CLVS1: variants seen among roughly 807,000 people sequenced by gnomAD.
CLVS1 encodes clavesin-1.
In CLVS1, 10 loss-of-function variants were observed where a neutral mutation model predicts 33.1. The observed-to-expected ratio is 0.30, with a 90% CI of 0.19 to 0.51. CLVS1 has a LOEUF of 0.51. Ranked by LOEUF, CLVS1 falls within the 20% of genes least tolerant of loss-of-function variation. The pLI is 0.97. For missense variants in CLVS1, 343 were observed against 433.4 expected, an observed-to-expected ratio of 0.79 and a Z score of 1.85; for synonymous variants, 163 against 166.1, an observed-to-expected ratio of 0.98 and a Z score of 0.14.
At chr8:61,023,232 C>A in the CLVS1 span, among the ~76,000 whole-genome samples, 2 of 152,170 alleles carry the variant, frequency 1.3e-5, no homozygotes, top group African/African-American at 4.8e-5. Context: ...TGGATGTTTG[C>A]GTACTTTAGA....
chr8:61,276,945 A>C (rs1809571305), intron 2 of CLVS1, among the ~76,000 whole-genome samples: 1 of 152,146 alleles, frequency 6.6e-6, no homozygotes, highest in African/African-American at 2.4e-5. Flanking sequence ...CTCTCTGTCA[A>C]ATTTTTCCTT....
intron 5 of CLVS1, among the ~76,000 whole-genome samples, chr8:61,497,183 T>C (rs993360329): frequency 6.6e-5 from 10 of 152,102 alleles, no homozygotes; most frequent in African/African-American, 2.4e-4. Flanking sequence ...CCTAACTTAC[T>C]AGAAAGACCC....
chr8:61,371,917 A>G (rs1813455005), intron 2 of CLVS1, among the ~76,000 whole-genome samples: 1 of 152,176 alleles, frequency 6.6e-6, no homozygotes, highest in South Asian at 2.1e-4. Context: ...CTTTATGGGG[A>G]AAAAATTTAA....
intron 3 of CLVS1, among the ~76,000 whole-genome samples, chr8:61,423,680 T>A (rs1815769670): frequency 6.6e-6 from 1 of 152,200 alleles, no homozygotes; most frequent in African/African-American, 2.4e-5. Context: ...AAATGTTATA[T>A]CTGTGCTCCA....
the CLVS1 span, among the ~76,000 whole-genome samples, chr8:60,986,623 CCTT>C: frequency 6.6e-6 from 1 of 152,204 alleles, no homozygotes; most frequent in Non-Finnish European, 1.5e-5. Flanking sequence ...ATTTATGTAA[CCTT>C]CTGATTTCTT....
chr8:60,973,766 T>G, the CLVS1 span, among the ~76,000 whole-genome samples: 1 of 152,170 alleles, frequency 6.6e-6, no homozygotes. Context: ...CTCATAATGC[T>G]CATGCTCGAG....
chr8:61,232,282 C>T (rs1242584655), intron 2 of CLVS1, among the ~76,000 whole-genome samples: 8 of 151,894 alleles, frequency 5.3e-5, no homozygotes, highest in East Asian at 1.9e-4. Context: ...GTGATCCGCC[C>T]GCCTCAGCCT....
At chr8:61,125,181 G>T (rs1464873290) in intron 1 of CLVS1, among the ~76,000 whole-genome samples, 2 of 152,050 alleles carry the variant, frequency 1.3e-5, no homozygotes, top group Non-Finnish European at 2.9e-5. Context: ...TCTACCCCAG[G>T]CATTAGAACC....
intron 3 of CLVS1, among the ~76,000 whole-genome samples, chr8:61,419,679 C>T (rs1208208801): frequency 6.6e-6 from 1 of 152,198 alleles, no homozygotes; most frequent in Non-Finnish European, 1.5e-5. Context: ...AAACCTGCCT[C>T]TGAAAGCAGC....
intron 2 of CLVS1, among the ~76,000 whole-genome samples, chr8:61,192,464 G>A (rs1299590803): frequency 7.0e-6 from 1 of 142,206 alleles, no homozygotes; most frequent in East Asian, 1.9e-4. Context: ...CAGAGGCATG[G>A]GCAAGGATTT....
intron 1 of CLVS1, among the ~76,000 whole-genome samples, chr8:61,087,393 G>T (rs955705059): frequency 6.6e-6 from 1 of 152,180 alleles, no homozygotes. Flanking sequence ...TCTAGAATTT[G>T]CCATGTCCAG....
At chr8:61,202,652 G>C (rs2931327) in intron 2 of CLVS1, 308,432 of 1,518,744 alleles carry the variant, frequency 0.2, 33,607 homozygotes, top group Admixed American at 0.29. Context: ...GTAGTCTTAA[G>C]GTTGAAGTGT....
At chr8:60,979,580 T>G in the CLVS1 span, among the ~76,000 whole-genome samples, 2 of 152,170 alleles carry the variant, frequency 1.3e-5, no homozygotes, top group Admixed American at 1.3e-4. Context: ...TAAACAACTG[T>G]GTATTGAGGG....
intron 2 of CLVS1, among the ~76,000 whole-genome samples, chr8:61,240,837 G>C (rs1563458693): frequency 6.7e-6 from 1 of 149,028 alleles, no homozygotes; most frequent in Non-Finnish European, 1.5e-5. Context: ...TTTTGCCTTT[G>C]CCTTGATCTC....
intron 5 of CLVS1, among the ~76,000 whole-genome samples, chr8:61,491,794 G>A (rs534800092): frequency 3.0e-4 from 46 of 152,224 alleles, no homozygotes; most frequent in African/African-American, 1.0e-3. Context: ...TTACTTCCTC[G>A]AGTTTTATTC....
chr8:61,333,287 C>G (rs1450901953), intron 2 of CLVS1, among the ~76,000 whole-genome samples: 1 of 152,082 alleles, frequency 6.6e-6, no homozygotes, highest in Non-Finnish European at 1.5e-5. Flanking sequence ...TAAGAAGTAC[C>G]TACAACCAGA....
At chr8:61,114,142 A>G (rs897586802) in intron 1 of CLVS1, among the ~76,000 whole-genome samples, 2 of 152,222 alleles carry the variant, frequency 1.3e-5, no homozygotes, top group African/African-American at 4.8e-5. Context: ...GATAGTTTTC[A>G]TGTTGTGAAA....
At chr8:61,146,518 G>C (rs1178940843) in intron 2 of CLVS1, among the ~76,000 whole-genome samples, 1 of 152,216 alleles carries the variant, frequency 6.6e-6, no homozygotes, top group African/African-American at 2.4e-5. Flanking sequence ...CCTCTCATCA[G>C]AGAGGACTCA....
intron 2 of CLVS1, among the ~76,000 whole-genome samples, chr8:61,313,938 G>T (rs1357554807): frequency 6.6e-6 from 1 of 152,146 alleles, no homozygotes; most frequent in Non-Finnish European, 1.5e-5. Context: ...CATGGGCTCG[G>T]CAGGGGCTGT....
Sources: gnomAD v4.1 joint callset for allele counts (sites outside exome capture counted in the v4.1 genomes callset) on GRCh38, gnomAD v4.1.1 for gene constraint, MANE v1.5 for transcripts, NCBI Gene and HGNC (gene_info 2026-07-23, HGNC 2026-07-21) for gene names.